Variants in HERC5 observed in about 807,000 individuals in gnomAD.
HERC5 encodes E3 ISG15--protein ligase HERC5.
In HERC5, 99 loss-of-function variants were observed where a neutral mutation model predicts 119.6. That is an observed-to-expected ratio of 0.83 (90% CI 0.70 to 0.98). HERC5 has a LOEUF of 0.98. HERC5 is among the 50% of genes least tolerant of loss of function. The pLI is 0.00. For synonymous variants in HERC5, 478 were observed against 445.9 expected, an observed-to-expected ratio of 1.07 and a Z score of -0.91; for missense variants, 1,267 against 1,241.3, an observed-to-expected ratio of 1.02 and a Z score of -0.31.
intron 5 of HERC5, 99 bp downstream of exon 5, chr4:88,463,722 T>TCC (rs1740534867): frequency 2.2e-6 from 3 of 1,360,714 alleles, no homozygotes; most frequent in Non-Finnish European, 3.1e-6. Context: ...ACTTCCTGTA[T>TCC]GTAGGACTGT....
intron 18 of HERC5, among the ~76,000 whole-genome samples, chr4:88,498,848 G>A (rs988242559): frequency 1.3e-5 from 2 of 152,214 alleles, no homozygotes; most frequent in Admixed American, 1.3e-4. Context: ...TGGGATTACA[G>A]GCGTGAGCCA....
Position 88,470,678 on chromosome 4 carries a change from T to TAA in HERC5, c.1298+6_1298+7insAA. ...TGGAAGTTTTTTAAGGAAAAGGTAATATATGTAATAAATTAATTGTATTAA... is the reference window on the plus strand; with the variant it reads ...TGGAAGTTTTTTAAGGAAAAGGTAATAAATATGTAATAAATTAATTGTATTAA... On this transcript the variant is annotated splice_donor_region_variant and intron_variant, in intron 10 of 22. Transcript: ENST00000264350. 1 of 1,246,950 alleles carries TAA rather than the reference T, an allele frequency of 8.0e-7. No individual in the cohort carries two copies. The highest frequency in any genetic ancestry group is 1.2e-6 in the Non-Finnish European group (1 of 856,812). 77.2% of individuals were successfully genotyped at this position (1,246,950 alleles called of 1,614,324 possible).
chr4:88,493,000 CT>C lies in HERC5; in HGVS notation c.2134-11del, dbSNP rs780805057. 1.3e-4 allele frequency: 213 copies of C among 1,613,112 alleles called. 2 individuals are homozygous for C. In the African/African-American group the frequency reaches 2.6e-3, roughly 20 times the overall value. ...CCCTGGAAGTGATGTATTATTTGCT[CT>C]GTTTCCTCAGGTTTCATTTAGTGGA... On this transcript the variant is annotated splice_polypyrimidine_tract_variant and intron_variant, in intron 16 of 22. Transcript: ENST00000264350.
chr4:88,496,032 C>T (rs755252956), intron 18 of HERC5, among the ~76,000 whole-genome samples: 1 of 152,184 alleles, frequency 6.6e-6, no homozygotes, highest in African/African-American at 2.4e-5. Context: ...ATTTTAAACA[C>T]AGGAATACAC....
Position 88,463,504 on chromosome 4 carries a change from C to A in HERC5, c.689-28C>A. ...GTGAAACTCAGCATTTCCTTTTGGTCACTTCAGCTATTTTTTTCCTTACAT... is the reference window on the plus strand; with the variant it reads ...GTGAAACTCAGCATTTCCTTTTGGTAACTTCAGCTATTTTTTTCCTTACAT... On this transcript the variant is annotated intron_variant, in intron 4 of 22. Coordinates refer to ENST00000264350, the MANE Select transcript of HERC5 (RefSeq NM_016323.4). 5 of 1,494,688 alleles carry A rather than the reference C, an allele frequency of 3.3e-6. No homozygotes were observed. In the South Asian group the frequency reaches 4.5e-5, roughly 14 times the overall value. The allele number at this position is 1,494,688 out of a possible 1,614,324, so 92.6% of individuals were successfully genotyped here.
chr4:88,469,335 A>C, intron 9 of HERC5, 75 bp downstream of exon 9: 1 of 975,570 alleles, frequency 1.0e-6, no homozygotes, highest in Non-Finnish European at 1.6e-6. Context: ...CTGCACAGCA[A>C]TATGAGATTT....
rs1161446046 is a variant in HERC5 at position 88,475,965 on chromosome 4, A to G, written c.1517A>G (p.Glu506Gly). 1 of 1,613,932 alleles carries G rather than the reference A, an allele frequency of 6.2e-7. No homozygotes were observed. The highest frequency in any genetic ancestry group is 1.3e-5 in the African/African-American group (1 of 74,918). Residue 506 changes from glutamate to glycine, a missense_variant, in exon 12 of 23, where the codon GAG becomes GGG. By Grantham distance (98) the Glu-to-Gly change is moderately conservative. Transcript: ENST00000264350. ...ATGATGCATATTTCCAACAACTGGG[A>G]GAGCCTTGTGGTTCCATTTGCAAAG... is the stretch of plus-strand genomic sequence containing the variant. ...CPMMHISNNW[E>G]SLVVPFAKVV...
At chr4:88,493,179 A>T in intron 17 of HERC5, 24 bp downstream of exon 17, 1 of 1,611,430 alleles carries the variant, frequency 6.2e-7, no homozygotes, top group South Asian at 1.1e-5. Context: ...TCTTTGCTTA[A>T]GGTATTTTGC....
At position 88,494,171 on chromosome 4, in the gene HERC5, T is replaced by A; in HGVS notation, c.2284T>A (p.Phe762Ile). ...SCMWFPVKPK[F>I]EKKRYFFFGV... The stretch of plus-strand genomic sequence containing the variant: ...TTTTTTTTTCGCTTTTCAGCCTAAA[T>A]TTGAGAAGAAAAGATACTTCTTTTT... The change falls in exon 18 of 23, where the codon TTT becomes ATT. Residue 762 changes from phenylalanine to isoleucine, a missense_variant. By Grantham distance (21) the Phe-to-Ile change is conservative. Transcript: ENST00000264350. 6.2e-7 allele frequency: 1 copy of A among 1,602,426 alleles called. No individual in the cohort carries two copies.
At chr4:88,493,693 G>A (rs1396840162) in intron 17 of HERC5, among the ~76,000 whole-genome samples, 8 of 151,908 alleles carry the variant, frequency 5.3e-5, no homozygotes, top group Non-Finnish European at 1.2e-4. Context: ...TGCAACCTCC[G>A]CCTCCCAAGC....
chr4:88,504,053 C>T (rs1279301900), intron 20 of HERC5, among the ~76,000 whole-genome samples, 179 bp from the exon 21 acceptor site: 5 of 149,554 alleles, frequency 3.3e-5, no homozygotes, highest in African/African-American at 7.5e-5. Flanking sequence ...GGTGACAGTG[C>T]GAGACTCCGT....
At position 88,489,039 on chromosome 4, in the gene HERC5, A is replaced by G; in HGVS notation, c.1963-127A>G. 11 of 662,476 alleles carry G rather than the reference A, an allele frequency of 1.7e-5. 1 individual carries two copies. The South Asian group carries it at 2.0e-4, about 12-fold the overall frequency. 41.0% of individuals were successfully genotyped at this position (662,476 alleles called of 1,614,324 possible). On this transcript the variant is annotated intron_variant, in intron 15 of 22. Transcript: ENST00000264350. ...TTATCATTTATCTTCAGTGGTGCAT[A>G]TAAGGTTCTTTTCATAAATGTGACC...
chr4:88,479,317 A>AT, intron 12 of HERC5, 36 bp from the exon 13 acceptor site: 1 of 1,503,540 alleles, frequency 6.7e-7, no homozygotes, highest in Admixed American at 2.3e-5. Flanking sequence ...AATAAAACTC[A>AT]TTTTTTAAAA....
At chr4:88,469,103 G>T (rs1578045296) in intron 8 of HERC5, 54 bp from the exon 9 acceptor site, 1 of 1,173,570 alleles carries the variant, frequency 8.5e-7, no homozygotes, top group Middle Eastern at 2.0e-4. Context: ...AAAGTTGGGT[G>T]CCTATCTCTG....
intron 12 of HERC5, among the ~76,000 whole-genome samples, chr4:88,477,547 G>A (rs1336008035): frequency 9.9e-6 from 1 of 100,824 alleles, no homozygotes; most frequent in Non-Finnish European, 2.1e-5. Context: ...AAGGGGAAGT[G>A]GGGGAGGGGA....
At chr4:88,466,948 G>T in intron 6 of HERC5, 111 bp from the exon 7 acceptor site, 1 of 1,048,348 alleles carries the variant, frequency 9.5e-7, no homozygotes, top group Non-Finnish European at 1.4e-6. Flanking sequence ...TCTAAGAGAT[G>T]TTTAGTTTCA....
intron 18 of HERC5, among the ~76,000 whole-genome samples, chr4:88,495,542 A>C (rs573530545): frequency 2.8e-4 from 42 of 152,314 alleles, no homozygotes; most frequent in African/African-American, 9.4e-4. Flanking sequence ...CCTGGGCGAC[A>C]GTAGAAGACC....
intron 3 of HERC5, 63 bp downstream of exon 3, chr4:88,460,234 G>A: frequency 2.6e-6 from 2 of 773,216 alleles, no homozygotes; most frequent in Non-Finnish European, 4.3e-6. Context: ...TGTGGAGCCA[G>A]TAGAATGTCT....
At chr4:88,469,114 A>G in intron 8 of HERC5, 43 bp from the exon 9 acceptor site, 1 of 1,376,310 alleles carries the variant, frequency 7.3e-7, no homozygotes, top group East Asian at 2.3e-5. Flanking sequence ...CCTATCTCTG[A>G]TGTGTCTAAA....
Sources: allele counts gnomAD v4.1 joint callset (sites outside exome capture counted in the v4.1 genomes callset), GRCh38; gene constraint gnomAD v4.1.1; transcripts MANE v1.5; gene names NCBI Gene and HGNC (gene_info 2026-07-23, HGNC 2026-07-21).